RBFOX1: variants seen among roughly 807,000 people sequenced by gnomAD.
RBFOX1 encodes the protein RNA binding fox-1 homolog 1, also known as RNA binding protein fox-1 homolog 1.
A neutral mutation model predicts 57.7 loss-of-function variants in RBFOX1; 8 were observed. That is an observed-to-expected ratio of 0.14 (90% confidence interval 0.08 to 0.25). The LOEUF is 0.25. Among genes scored for constraint, RBFOX1 ranks in the 10% least tolerant of loss-of-function variants. RBFOX1 has a pLI of 1.00. For missense variants in RBFOX1, 611 were observed against 548.5 expected, an observed-to-expected ratio of 1.11 and a Z score of -1.14; for synonymous variants, 326 against 222.4, an observed-to-expected ratio of 1.47 and a Z score of -4.15.
intron 2 of RBFOX1, among the ~76,000 whole-genome samples, chr16:6,505,755 C>T (rs778380166): frequency 6.6e-6 from 1 of 152,226 alleles, no homozygotes; most frequent in Non-Finnish European, 1.5e-5. Context: ...GGAGAAATCA[C>T]ATACGTAAGA....
intron 4 of RBFOX1, among the ~76,000 whole-genome samples, chr16:7,286,675 G>C (rs1264156615): frequency 1.4e-5 from 2 of 145,032 alleles, no homozygotes; most frequent in African/African-American, 5.2e-5. Context: ...CCAGGATGGA[G>C]TGCAGTGGCG....
intron 3 of RBFOX1, among the ~76,000 whole-genome samples, chr16:6,951,959 C>T (rs1347414083): frequency 5.9e-5 from 9 of 152,194 alleles, no homozygotes; most frequent in Admixed American, 1.3e-4. Flanking sequence ...TGGTCTCGAA[C>T]ACCTGATCTC....
intron 14 of RBFOX1, among the ~76,000 whole-genome samples, chr16:7,680,387 T>G (rs2074424972): frequency 6.6e-6 from 1 of 152,196 alleles, no homozygotes; most frequent in Non-Finnish European, 1.5e-5. Flanking sequence ...GACAGACATT[T>G]GTCATGCTTG....
chr16:6,763,195 T>C (rs556778822), intron 3 of RBFOX1, among the ~76,000 whole-genome samples: 1 of 152,334 alleles, frequency 6.6e-6, no homozygotes, highest in African/African-American at 2.4e-5. Context: ...AGCTCAATGT[T>C]TATCAAGTGG....
intron 4 of RBFOX1, among the ~76,000 whole-genome samples, chr16:5,878,049 C>A (rs911961127): frequency 6.6e-6 from 1 of 152,182 alleles, no homozygotes. Context: ...TACACAGACA[C>A]CACATTCCAT....
chr16:6,281,798 C>G (rs2076406500), intron 1 of RBFOX1, among the ~76,000 whole-genome samples: 1 of 152,014 alleles, frequency 6.6e-6, no homozygotes, highest in South Asian at 2.1e-4. Context: ...AGAAAGCCTC[C>G]AAGGAAAGTG....
At position 5,970,074 on chromosome 16, in the gene RBFOX1, C is replaced by T. The variant is rs562156251; in HGVS notation, c.351+102739C>T. Reference sequence around the variant, plus strand: ...ACTCTACACATTGCTGCCACTGCCTCTTGGTCACGATGGGTGTCTCCTTTT... The same window carrying T: ...ACTCTACACATTGCTGCCACTGCCTTTTGGTCACGATGGGTGTCTCCTTTT... On this transcript the variant is annotated intron_variant, in intron 4 of 19. Transcript: ENST00000641259. Among the ~76,000 whole-genome samples, 3 of 152,258 alleles carry T rather than the reference C, an allele frequency of 2.0e-5. 1 individual carries two copies. In the South Asian group the frequency reaches 6.2e-4, roughly 32 times the overall value.
At chr16:7,407,364 A>T (rs945025045) in intron 4 of RBFOX1, among the ~76,000 whole-genome samples, 4 of 119,950 alleles carry the variant, frequency 3.3e-5, no homozygotes, top group African/African-American at 6.0e-5. Flanking sequence ...ACTTCAAGGG[A>T]TTTGTATGGG....
chr16:5,383,403 G>T (rs1365033254), intron 1 of RBFOX1, among the ~76,000 whole-genome samples: 1 of 152,208 alleles, frequency 6.6e-6, no homozygotes, highest in African/African-American at 2.4e-5. Context: ...TCTAACCCAA[G>T]GCAGCAGGAT....
At chr16:5,414,315 G>A (rs7184366) in intron 1 of RBFOX1, among the ~76,000 whole-genome samples, 3 of 151,928 alleles carry the variant, frequency 2.0e-5, no homozygotes, top group African/African-American at 7.3e-5. Context: ...AGCTGCTAGG[G>A]TCCAGATTCA....
chr16:7,011,712 C>T (rs1281304775), intron 3 of RBFOX1, among the ~76,000 whole-genome samples: 1 of 152,134 alleles, frequency 6.6e-6, no homozygotes, highest in Admixed American at 6.5e-5. Context: ...ATGGGAGTTT[C>T]ACCATGTTAG....
intron 5 of RBFOX1, among the ~76,000 whole-genome samples, chr16:7,555,454 G>A (rs377685385): frequency 5.3e-5 from 8 of 152,170 alleles, no homozygotes; most frequent in Admixed American, 3.3e-4. Flanking sequence ...TAGAGGAAGC[G>A]GGGAAAAGGA....
At chr16:5,461,395 G>A (rs1314289062) in intron 1 of RBFOX1, among the ~76,000 whole-genome samples, 2 of 152,146 alleles carry the variant, frequency 1.3e-5, no homozygotes, top group East Asian at 1.9e-4. Flanking sequence ...GAGAGGCGAG[G>A]GGGTGGCTGA....
At chr16:5,777,703 A>T (rs76755499) in intron 3 of RBFOX1, among the ~76,000 whole-genome samples, 5,558 of 152,284 alleles carry the variant, frequency 0.036, 316 homozygotes, top group African/African-American at 0.12. Context: ...ATGAAAAGTG[A>T]CCATCACACA....
At chr16:6,645,535 C>A (rs936196421) in intron 2 of RBFOX1, among the ~76,000 whole-genome samples, 4 of 152,152 alleles carry the variant, frequency 2.6e-5, no homozygotes, top group Non-Finnish European at 5.9e-5. Context: ...TTATCAAAAA[C>A]AACCAACACA....
chr16:6,742,588 T>C (rs1272649251), intron 3 of RBFOX1, among the ~76,000 whole-genome samples: 6 of 152,130 alleles, frequency 3.9e-5, no homozygotes, highest in African/African-American at 1.4e-4. Context: ...AACCAAAATA[T>C]CTACAGTAGG....
At chr16:7,078,889 T>TTTTTTTTG (rs1555454750) in intron 4 of RBFOX1, among the ~76,000 whole-genome samples, 1 of 141,600 alleles carries the variant, frequency 7.1e-6, no homozygotes, top group Non-Finnish European at 1.5e-5. Context: ...TTTTTTTTTT[T>TTTTTTTTG]AGTGAAGATG....
intron 3 of RBFOX1, among the ~76,000 whole-genome samples, chr16:6,790,330 A>G (rs1038654181): frequency 6.6e-6 from 1 of 151,736 alleles, no homozygotes; most frequent in African/African-American, 2.4e-5. Flanking sequence ...TATTACAGGC[A>G]CCCGCCACCA....
chr16:7,409,391 A>G (rs2098399446), intron 4 of RBFOX1, among the ~76,000 whole-genome samples: 1 of 152,232 alleles, frequency 6.6e-6, no homozygotes, highest in South Asian at 2.1e-4. Flanking sequence ...GAGGCAACAG[A>G]ATATAACACA....
Sources: gnomAD v4.1 joint callset for allele counts (sites outside exome capture counted in the v4.1 genomes callset) on GRCh38, gnomAD v4.1.1 for gene constraint, MANE v1.5 for transcripts, NCBI Gene and HGNC (gene_info 2026-07-23, HGNC 2026-07-21) for gene names.